The following LMX1B variants were observed in gnomAD, a reference collection of about 807,000 sequenced individuals.
The protein encoded by LMX1B is LIM homeobox transcription factor 1-beta.
In LMX1B, 12 loss-of-function variants were observed where a neutral mutation model predicts 51.4. The observed-to-expected ratio is 0.23, with a 90% CI of 0.15 to 0.38. LMX1B has a LOEUF of 0.38. Ranked by LOEUF, LMX1B falls within the 10% of genes least tolerant of loss-of-function variation. The pLI, the probability that LMX1B is intolerant of heterozygous loss-of-function variation, is 1.00. For missense variants in LMX1B, 445 were observed against 571.1 expected (o/e 0.78, Z 2.25); for synonymous variants, 237 against 235.4 (o/e 1.01, Z -0.06).
At chr9:126,660,164 G>GT (rs1836212188) in intron 2 of LMX1B, among the ~76,000 whole-genome samples, 1 of 151,124 alleles carries the variant, frequency 6.6e-6, no homozygotes, top group Non-Finnish European at 1.5e-5. Context: ...CTTAGAGATT[G>GT]TCCTGTGTGG....
At chr9:126,684,170 T>G (rs1836729316) in intron 2 of LMX1B, among the ~76,000 whole-genome samples, 1 of 151,972 alleles carries the variant, frequency 6.6e-6, no homozygotes, top group African/African-American at 2.4e-5. Context: ...TTTCCAGCAG[T>G]GGTTGCTGCT....
At chr9:126,675,674 G>A (rs916072861) in intron 2 of LMX1B, among the ~76,000 whole-genome samples, 6 of 150,924 alleles carry the variant, frequency 4.0e-5, no homozygotes, top group Non-Finnish European at 8.8e-5. Flanking sequence ...GCGGTGAGCC[G>A]GGATTGTGCC....
chr9:126,682,893 T>C (rs1382772274), intron 2 of LMX1B, among the ~76,000 whole-genome samples: 2 of 47,400 alleles, frequency 4.2e-5, no homozygotes, highest in African/African-American at 1.4e-4. Flanking sequence ...GCACTCTGTC[T>C]GAAAAAAAAA....
At chr9:126,679,907 T>C in intron 2 of LMX1B, among the ~76,000 whole-genome samples, 1 of 152,100 alleles carries the variant, frequency 6.6e-6, no homozygotes, top group East Asian at 1.9e-4. Flanking sequence ...CTCTTTGAAG[T>C]CTCCAGAAAG....
intron 2 of LMX1B, among the ~76,000 whole-genome samples, chr9:126,639,883 G>A (rs1258127669): frequency 6.6e-6 from 1 of 152,230 alleles, no homozygotes; most frequent in Non-Finnish European, 1.5e-5. Flanking sequence ...TCCAGGGACG[G>A]CTGCCACTAA....
chr9:126,674,497 G>C (rs978043932), intron 2 of LMX1B, among the ~76,000 whole-genome samples: 2 of 152,178 alleles, frequency 1.3e-5, no homozygotes, highest in Non-Finnish European at 1.5e-5. Flanking sequence ...GTCTCCTCTT[G>C]GTCATCAGAG....
At chr9:126,620,155 T>A (rs1835380210) in intron 2 of LMX1B, among the ~76,000 whole-genome samples, 3 of 152,144 alleles carry the variant, frequency 2.0e-5, no homozygotes, top group Admixed American at 2.0e-4. Context: ...GGTTCCATGG[T>A]ACACAGGGTT....
At chr9:126,683,903 A>C (rs1836723844) in intron 2 of LMX1B, among the ~76,000 whole-genome samples, 1 of 152,024 alleles carries the variant, frequency 6.6e-6, no homozygotes, top group Non-Finnish European at 1.5e-5. Context: ...GTGTTATGTC[A>C]CCTTTTCCAA....
At chr9:126,623,391 T>C (rs4240413) in intron 2 of LMX1B, among the ~76,000 whole-genome samples, 146,100 of 152,252 alleles carry the variant, frequency 0.96, 70,405 homozygotes, top group East Asian at 1. Context: ...GGAGGCAGCC[T>C]GCAGTAGTGC....
intron 2 of LMX1B, among the ~76,000 whole-genome samples, chr9:126,680,960 A>G (rs1244513738): frequency 6.6e-6 from 1 of 152,032 alleles, no homozygotes; most frequent in Non-Finnish European, 1.5e-5. Context: ...GAGGGATGTG[A>G]TGCTCCACCT....
intron 2 of LMX1B, among the ~76,000 whole-genome samples, chr9:126,657,890 G>A (rs1264342644): frequency 6.6e-6 from 1 of 152,166 alleles, no homozygotes; most frequent in African/African-American, 2.4e-5. Flanking sequence ...GGAGTGAGTT[G>A]GGGACTGGAC....
intron 2 of LMX1B, among the ~76,000 whole-genome samples, chr9:126,643,227 G>GT (rs1335106045): frequency 6.6e-6 from 1 of 152,176 alleles, no homozygotes; most frequent in Non-Finnish European, 1.5e-5. Flanking sequence ...CTGTGGTGAG[G>GT]TGAGGAGCTG....
In LMX1B at chr9:126,614,148, C is replaced by G. The variant is rs1835249544; in HGVS notation, c.-302C>G. Among the ~76,000 whole-genome samples the G allele has an allele frequency of 6.9e-6, 1 of 144,404 alleles. No homozygotes were observed. The highest frequency in any genetic ancestry group is 2.1e-4 in the South Asian group (1 of 4,748). 94.7% of individuals were successfully genotyped at this position (144,404 alleles called of 152,430 possible). On this transcript the variant is annotated 5_prime_UTR_variant, in exon 1 of 8. Coordinates refer to ENST00000373474, the MANE Select transcript of LMX1B (RefSeq NM_001174147.2). ...CGCCGCCGCCTCCTCCCCGCGGCTC[C>G]GTCTGCAGCAGCCGCCGCCGCCGGG...
At chr9:126,648,102 A>G (rs930151013) in intron 2 of LMX1B, among the ~76,000 whole-genome samples, 3 of 152,216 alleles carry the variant, frequency 2.0e-5, no homozygotes, top group African/African-American at 7.2e-5. Flanking sequence ...ACTCCCAGTA[A>G]TGACTTCCTC....
rs1031007462 is a variant in LMX1B at position 126,671,449 on chromosome 9, C to G, written c.327-19387C>G. On this transcript the variant is annotated intron_variant, in intron 2 of 7. Coordinates refer to ENST00000373474, the MANE Select transcript of LMX1B (RefSeq NM_001174147.2). The surrounding 1 kb of genome is among the most constrained non-coding windows in gnomAD (Gnocchi z 4.4). The stretch of plus-strand genomic sequence containing the variant: ...AGGGCCGAGGGGCCCATCTTTGTTC[C>G]GAGCAGAGCTCAGACTGCAGAGTGG... Among the ~76,000 whole-genome samples, 2 of 152,014 alleles carry G rather than the reference C, an allele frequency of 1.3e-5. No individual in the cohort carries two copies. The highest frequency in any genetic ancestry group is 2.9e-5 in the Non-Finnish European group (2 of 67,986).
At chr9:126,680,683 T>G (rs547783812) in intron 2 of LMX1B, among the ~76,000 whole-genome samples, 1 of 152,050 alleles carries the variant, frequency 6.6e-6, no homozygotes, top group Non-Finnish European at 1.5e-5. Flanking sequence ...GCCTGGCTCA[T>G]GGTAGGTGCC....
chr9:126,663,983 T>C (rs1836292006), intron 2 of LMX1B, among the ~76,000 whole-genome samples: 1 of 152,240 alleles, frequency 6.6e-6, no homozygotes, highest in Non-Finnish European at 1.5e-5. Context: ...CCTGGTATTT[T>C]TGGCACATCT....
At chr9:126,684,612 G>A (rs1187496602) in intron 2 of LMX1B, among the ~76,000 whole-genome samples, 1 of 152,212 alleles carries the variant, frequency 6.6e-6, no homozygotes, top group Non-Finnish European at 1.5e-5. Flanking sequence ...TGGAGTAGGG[G>A]CTGACAGAGC....
intron 2 of LMX1B, among the ~76,000 whole-genome samples, chr9:126,663,428 A>AG (rs1360793501): frequency 1.1e-5 from 1 of 90,870 alleles, no homozygotes; most frequent in African/African-American, 2.9e-5. Flanking sequence ...TTTCTCAAAA[A>AG]AAAAAAAAAA....
Sources: gnomAD v4.1 joint callset for allele counts (sites outside exome capture counted in the v4.1 genomes callset) on GRCh38, gnomAD v4.1.1 for gene constraint, Gnocchi (gnomAD v3.1) non-coding constraint, MANE v1.5 for transcripts, NCBI Gene and HGNC (gene_info 2026-07-23, HGNC 2026-07-21) for gene names.